C8orf76: variants seen among roughly 807,000 people sequenced by gnomAD.
C8orf76 encodes the protein uncharacterized protein C8orf76.
Under a neutral mutation model 38.1 loss-of-function variants are expected in C8orf76, and 46 were observed. The observed-to-expected ratio is 1.21, with a 90% CI of 0.95 to 1.54. C8orf76 has a LOEUF of 1.54. Ranked by LOEUF, C8orf76 falls within the 40% of genes most tolerant of loss-of-function variation. C8orf76 has a pLI of 0.00. For synonymous variants in C8orf76, 166 were observed against 167.5 expected, an observed-to-expected ratio of 0.99 and a Z score of 0.07; for missense variants, 461 against 441.6, an observed-to-expected ratio of 1.04 and a Z score of -0.39.
At chr8:123,224,290 T>C (rs1305960938) in intron 5 of C8orf76, among the ~76,000 whole-genome samples, 1 of 152,140 alleles carries the variant, frequency 6.6e-6, no homozygotes, top group African/African-American at 2.4e-5. Context: ...TACAGGGCTA[T>C]GTTATTACAA....
chr8:123,238,177 G>A lies in C8orf76; in HGVS notation c.214-236C>T, dbSNP rs962859356. On this transcript the variant is annotated intron_variant, in intron 2 of 5. Coordinates refer to ENST00000276704, the MANE Select transcript of C8orf76 (RefSeq NM_032847.3). ...GCTCCCATAACCCCCACATGTTGTG[G>A]GAGGGACCTGGTGGGAGGTAACTGA... Among the ~76,000 whole-genome samples, 11 of 152,130 alleles carry A rather than the reference G, an allele frequency of 7.2e-5. No homozygotes were observed. The East Asian group carries it at 1.7e-3, about 24-fold the overall frequency.
At chr8:123,229,336 G>A (rs1825157236) in intron 4 of C8orf76, among the ~76,000 whole-genome samples, 1 of 152,250 alleles carries the variant, frequency 6.6e-6, no homozygotes, top group Non-Finnish European at 1.5e-5. Flanking sequence ...GATCCATCTA[G>A]TGGGATCCCA....
intron 4 of C8orf76, 129 bp downstream of exon 4, chr8:123,231,171 C>T (rs767586348): frequency 7.6e-6 from 9 of 1,190,406 alleles, no homozygotes; most frequent in Admixed American, 3.0e-5. Context: ...ACGTTCAACA[C>T]AACCATAGGA....
At chr8:123,223,923 AG>A in intron 5 of C8orf76, among the ~76,000 whole-genome samples, 1 of 152,322 alleles carries the variant, frequency 6.6e-6, no homozygotes, top group East Asian at 1.9e-4. Context: ...AGAGAAAAAT[AG>A]TAGATTAGAG....
At chr8:123,224,801 ATACTAT>A (rs1173541403) in intron 5 of C8orf76, among the ~76,000 whole-genome samples, 3 of 152,316 alleles carry the variant, frequency 2.0e-5, no homozygotes, top group South Asian at 4.1e-4. Context: ...TGCTCAAAAC[ATACTAT>A]TACTTATAAG....
intron 5 of C8orf76, 70 bp from the exon 6 acceptor site, chr8:123,220,367 T>G: frequency 1.7e-6 from 2 of 1,178,332 alleles, no homozygotes; most frequent in Non-Finnish European, 2.3e-6. Context: ...AGTTATCAAC[T>G]GCGAAGGCTT....
chr8:123,237,136 C>T (rs878990992), intron 3 of C8orf76: 1 of 837,770 alleles, frequency 1.2e-6, no homozygotes, highest in Non-Finnish European at 2.0e-6. Context: ...AGTGCTGTGC[C>T]CGCCTGCACC....
At chr8:123,226,459 TATG>T in intron 5 of C8orf76, 38 bp downstream of exon 5, 1 of 1,602,492 alleles carries the variant, frequency 6.2e-7, no homozygotes, top group African/African-American at 1.3e-5. Flanking sequence ...GGAAAATATC[TATG>T]ATGCTTCGTT....
chr8:123,229,964 G>A (rs938890785), intron 4 of C8orf76, among the ~76,000 whole-genome samples: 8 of 151,876 alleles, frequency 5.3e-5, no homozygotes, highest in Non-Finnish European at 1.0e-4. Context: ...TGCAGTGAGC[G>A]GAGATCACAC....
Position 123,231,512 on chromosome 8 carries a change from G to C in C8orf76, c.603C>G (p.Ile201Met). Residue 201 changes from isoleucine (I) to methionine (M), a missense_variant, in exon 4 of 6, where the codon ATC (isoleucine) becomes ATG (methionine). Ile to Met is a conservative substitution (Grantham distance 10). Transcript: ENST00000276704. ...QHSFTSSDKT[I>M]KSFFPHSGKD... ...TTCCTGAGTGTGGAAAGAAGGATTTGATAGTTTTGTCACTTGAGGTGAAAC... is the reference window on the plus strand; with the variant it reads ...TTCCTGAGTGTGGAAAGAAGGATTTCATAGTTTTGTCACTTGAGGTGAAAC... 1 of 1,614,242 alleles carries C rather than the reference G, an allele frequency of 6.2e-7. No individual in the cohort carries two copies. Among genetic ancestry groups the C allele is most frequent in the Non-Finnish European group, 8.5e-7 (1 of 1,180,044 alleles).
At chr8:123,225,055 T>C (rs750651130) in intron 5 of C8orf76, among the ~76,000 whole-genome samples, 1 of 152,136 alleles carries the variant, frequency 6.6e-6, no homozygotes, top group Non-Finnish European at 1.5e-5. Context: ...GCCCAGGCTG[T>C]AGTGCAGTGA....
intron 5 of C8orf76, among the ~76,000 whole-genome samples, 192 bp from the exon 6 acceptor site, chr8:123,220,489 C>G (rs992368736): frequency 6.6e-6 from 1 of 151,006 alleles, no homozygotes; most frequent in Non-Finnish European, 1.5e-5. Context: ...TGACTGTGCC[C>G]GATCTTATCT....
At chr8:123,223,695 G>T (rs1824948104) in intron 5 of C8orf76, among the ~76,000 whole-genome samples, 1 of 152,096 alleles carries the variant, frequency 6.6e-6, no homozygotes, top group East Asian at 1.9e-4. Context: ...CCAAAAGGTA[G>T]AAACAACTCA....
intron 4 of C8orf76, among the ~76,000 whole-genome samples, chr8:123,227,327 A>C (rs899746982): frequency 2.6e-5 from 4 of 151,210 alleles, no homozygotes; most frequent in African/African-American, 9.8e-5. Flanking sequence ...TACCTACTGC[A>C]ATGCCCAGAA....
intron 3 of C8orf76, among the ~76,000 whole-genome samples, chr8:123,236,448 A>T (rs1825479807): frequency 6.6e-6 from 1 of 152,258 alleles, no homozygotes. Flanking sequence ...CCTTAAAAAA[A>T]AATTCCGCTT....
At chr8:123,227,312 A>C (rs1825082829) in intron 4 of C8orf76, among the ~76,000 whole-genome samples, 1 of 135,290 alleles carries the variant, frequency 7.4e-6, no homozygotes. Flanking sequence ...CTTTTTTCTC[A>C]CTGGTACCTA....
At position 123,241,326 on chromosome 8, in the gene C8orf76, C is replaced by G; in HGVS notation, c.21G>C (p.Leu7Phe). 6.4e-7 allele frequency: 1 copy of G among 1,571,274 alleles called. No homozygotes were observed. Among genetic ancestry groups the G allele is most frequent in the Non-Finnish European group, 8.6e-7 (1 of 1,164,294 alleles). Residue 7 changes from leucine to phenylalanine, a missense_variant, in exon 1 of 6, where the codon TTG (leucine) becomes TTC (phenylalanine). Physicochemically the swap from Leu to Phe is conservative, Grantham distance 22. Transcript: ENST00000276704. ...CCGAGTCCTCGAACTCGCCGCCGAA[C>G]AACCAGCACCCGGAATCCATCTCGC... MDSGCW[L>F]FGGEFEDSVF...
At chr8:123,236,725 G>A (rs919026979) in intron 3 of C8orf76, 11 of 395,566 alleles carry the variant, frequency 2.8e-5, no homozygotes, top group African/African-American at 4.2e-5. Context: ...CGGAGGTTGC[G>A]GCAAGCCGGG....
chr8:123,226,983 C>G (rs1038117013), intron 4 of C8orf76, among the ~76,000 whole-genome samples: 1 of 152,188 alleles, frequency 6.6e-6, no homozygotes, highest in Non-Finnish European at 1.5e-5. Context: ...GTGAAAGGAA[C>G]GAGCCTCCCA....
Sources: allele counts gnomAD v4.1 joint callset (sites outside exome capture counted in the v4.1 genomes callset), GRCh38; gene constraint gnomAD v4.1.1; transcripts MANE v1.5; gene names NCBI Gene and HGNC (gene_info 2026-07-23, HGNC 2026-07-21).